Variants in HOMER2 observed in about 807,000 individuals in gnomAD.
The protein encoded by HOMER2 is homer protein homolog 2.
Under a neutral mutation model 47.0 loss-of-function variants are expected in HOMER2, and 27 were observed. That is an observed-to-expected ratio of 0.57 (90% confidence interval 0.42 to 0.79). The LOEUF (loss-of-function observed/expected upper bound fraction) is 0.79, where lower values mean the gene tolerates loss of function less well. Ranked by LOEUF, HOMER2 falls within the 30% of genes least tolerant of loss-of-function variation. HOMER2 has a pLI of 0.00. For synonymous variants in HOMER2, 161 were observed against 163.8 expected (o/e 0.98, Z 0.13); for missense variants, 443 against 435.0 (o/e 1.02, Z -0.16).
rs553403936 is a variant in HOMER2, at chr15:82,873,894, C to T, written c.294+1379G>A. 1.6e-4 allele frequency among the ~76,000 whole-genome samples: 24 copies of T among 152,264 alleles called. No homozygotes were observed. The South Asian group carries it at 2.3e-3, about 14-fold the overall frequency. On this transcript the variant is annotated intron_variant, in intron 3 of 8. Coordinates refer to ENST00000450735, the MANE Select transcript of HOMER2 (RefSeq NM_004839.4). ...GGGGACCTCCTTAGAAGTGTGTGTG[C>T]GTGCACACATATATGTGAGTATACA...
chr15:82,917,767 A>G (rs111740815), intron 1 of HOMER2, among the ~76,000 whole-genome samples: 116 of 152,300 alleles, frequency 7.6e-4, no homozygotes, highest in African/African-American at 2.6e-3. Context: ...CTGCAGGCCT[A>G]TGCACACAGT....
downstream of HOMER2, chr15:82,844,014 G>A (rs1257780160): frequency 1.3e-5 from 2 of 152,246 alleles, no homozygotes; most frequent in Non-Finnish European, 2.9e-5. Context: ...GCTCCACGTA[G>A]TCACTCAGGG....
At chr15:82,864,090 C>A (rs1419021556) in intron 4 of HOMER2, 77 bp downstream of exon 4, 24 of 877,766 alleles carry the variant, frequency 2.7e-5, no homozygotes, top group Non-Finnish European at 3.9e-5. Flanking sequence ...TTCCCTATTT[C>A]TGGCCAGAAG....
chr15:82,877,027 A>G (rs1232059938), intron 2 of HOMER2, among the ~76,000 whole-genome samples: 3 of 152,246 alleles, frequency 2.0e-5, no homozygotes, highest in African/African-American at 7.2e-5. Flanking sequence ...TTTTTAGAAT[A>G]CTAACAACAG....
At chr15:82,952,755 G>T, upstream of HOMER2, 1 of 962,904 alleles carries the variant, frequency 1.0e-6, no homozygotes, top group African/African-American at 1.8e-5. Context: ...CGCTGGGGCG[G>T]TGCCCGCCCC....
intron 2 of HOMER2, among the ~76,000 whole-genome samples, chr15:82,882,101 C>G (rs2052538444): frequency 6.6e-6 from 1 of 152,218 alleles, no homozygotes; most frequent in Non-Finnish European, 1.5e-5. Flanking sequence ...AAATCACATG[C>G]CTATTGGCAT....
chr15:82,850,011 G>T, intron 8 of HOMER2, 108 bp from the exon 9 acceptor site: 1 of 1,170,678 alleles, frequency 8.5e-7, no homozygotes, highest in Non-Finnish European at 1.2e-6. Context: ...GAGGGCCTGG[G>T]CCAGGGCTTA....
At chr15:82,845,919 ACC>A (rs2051239718), downstream of HOMER2, 1 of 152,206 alleles carries the variant, frequency 6.6e-6, no homozygotes, top group Admixed American at 6.5e-5. Flanking sequence ...ATTACGCTCC[ACC>A]CTTTACTTGA....
intron 2 of HOMER2, among the ~76,000 whole-genome samples, chr15:82,890,054 C>G (rs1251481385): frequency 6.6e-6 from 1 of 152,102 alleles, no homozygotes; most frequent in East Asian, 1.9e-4. Context: ...GGGAGGAACA[C>G]GAGGTGGCGG....
At chr15:82,836,380 C>G (rs1225990798), downstream of HOMER2, among the ~76,000 whole-genome samples, 1 of 152,250 alleles carries the variant, frequency 6.6e-6, no homozygotes, top group Non-Finnish European at 1.5e-5. Flanking sequence ...ACAAAACCCT[C>G]AGAGACTTGG....
chr15:82,973,902 C>T (rs2030101641), intron 1 of HOMER2, among the ~76,000 whole-genome samples: 1 of 151,850 alleles, frequency 6.6e-6, no homozygotes, highest in Non-Finnish European at 1.5e-5. Context: ...ACTGTCTCTA[C>T]TAAAAATACA....
At position 82,857,422 on chromosome 15, in the gene HOMER2, C is replaced by CT. The variant is rs71156058; in HGVS notation, c.494+1606dup. ...TAAGACAGCTTCTAAGATGATACAG[C>CT]TTTTTTTTTTTTTTTTTTTTTTTTT... On this transcript the variant is annotated intron_variant, in intron 5 of 8. Coordinates refer to ENST00000450735, the MANE Select transcript of HOMER2 (RefSeq NM_004839.4). Among the ~76,000 whole-genome samples the CT allele has an allele frequency of 3.0e-3, 220 of 74,228 alleles. 19 individuals carry two copies. Among genetic ancestry groups the CT allele is most frequent in the African/African-American group, 5.7e-3 (94 of 16,636 alleles). The allele number at this position is 74,228 out of a possible 152,430, so 48.7% of individuals were successfully genotyped here.
intron 1 of HOMER2, among the ~76,000 whole-genome samples, chr15:82,972,873 G>T (rs553762871): frequency 3.3e-5 from 5 of 152,140 alleles, no homozygotes; most frequent in African/African-American, 1.2e-4. Flanking sequence ...GCTAAGCAGT[G>T]AGCCCACAGT....
At chr15:82,914,937 G>A (rs557698085) in intron 1 of HOMER2, among the ~76,000 whole-genome samples, 6 of 152,146 alleles carry the variant, frequency 3.9e-5, no homozygotes, top group East Asian at 1.9e-4. Flanking sequence ...TAACCTTAGC[G>A]CCTTGGGAAG....
chr15:82,948,348 G>T (rs538494235), intron 1 of HOMER2, among the ~76,000 whole-genome samples: 2 of 142,060 alleles, frequency 1.4e-5, no homozygotes, highest in African/African-American at 5.4e-5. Flanking sequence ...CCAAGATCGC[G>T]CCACTGCACT....
intron 5 of HOMER2, among the ~76,000 whole-genome samples, chr15:82,855,513 A>ATCCC (rs2051556942): frequency 6.6e-6 from 1 of 151,964 alleles, no homozygotes; most frequent in South Asian, 2.1e-4. Context: ...CCATGGACGG[A>ATCCC]CCTCCAGGAC....
chr15:82,916,426 A>G (rs1427361816), intron 1 of HOMER2, among the ~76,000 whole-genome samples: 1 of 152,154 alleles, frequency 6.6e-6, no homozygotes, highest in East Asian at 1.9e-4. Flanking sequence ...CTGTGTGTAC[A>G]TGGGATGAGG....
chr15:82,900,896 A>AT (rs1382060927), intron 1 of HOMER2, among the ~76,000 whole-genome samples: 1 of 152,242 alleles, frequency 6.6e-6, no homozygotes, highest in African/African-American at 2.4e-5. Flanking sequence ...GATAGAAGAA[A>AT]TACTTGTCAC....
intron 2 of HOMER2, among the ~76,000 whole-genome samples, chr15:82,892,071 G>A (rs929945948): frequency 1.3e-5 from 2 of 151,846 alleles, no homozygotes; most frequent in African/African-American, 4.8e-5. Flanking sequence ...AATATCATGG[G>A]AGACAGAATA....
Sources: allele counts gnomAD v4.1 joint callset (sites outside exome capture counted in the v4.1 genomes callset), GRCh38; gene constraint gnomAD v4.1.1; transcripts MANE v1.5; gene names NCBI Gene and HGNC (gene_info 2026-07-23, HGNC 2026-07-21).